Variants in LARP6 observed in about 807,000 individuals in gnomAD.
LARP6 encodes the protein La ribonucleoprotein 6, translational regulator, also known as la-related protein 6.
LARP6 carries 18 observed loss-of-function variants against 32.8 expected under a neutral mutation model. The ratio of observed to expected loss-of-function variants is 0.55; its 90% confidence interval spans 0.38 to 0.81. LARP6 has a LOEUF of 0.81. LARP6 is among the 40% of genes least tolerant of loss of function. LARP6 has a pLI of 0.00. For synonymous variants in LARP6, 289 were observed against 267.2 expected, an observed-to-expected ratio of 1.08 and a Z score of -0.80; for missense variants, 598 against 663.1, an observed-to-expected ratio of 0.90 and a Z score of 1.08.
chr15:70,844,442 CATA>C (rs2032312932), intron 1 of LARP6, among the ~76,000 whole-genome samples: 2 of 152,124 alleles, frequency 1.3e-5, no homozygotes, highest in South Asian at 2.1e-4. Flanking sequence ...TGCCATGGTT[CATA>C]ATATTTCATT....
intron 1 of LARP6, among the ~76,000 whole-genome samples, chr15:70,845,460 C>T (rs1033062726): frequency 1.3e-5 from 2 of 152,126 alleles, no homozygotes; most frequent in African/African-American, 4.8e-5. Flanking sequence ...GCGGGAGGAC[C>T]ACAGAGGTAA....
intron 1 of LARP6, among the ~76,000 whole-genome samples, chr15:70,852,704 T>G (rs552548564): frequency 2.6e-5 from 4 of 152,286 alleles, no homozygotes; most frequent in Non-Finnish European, 4.4e-5. Flanking sequence ...CTATCTACTT[T>G]GTCATACACT....
Position 70,830,521 on chromosome 15 carries a change from G to T in LARP6, c.*1531C>A, listed in dbSNP as rs1422558827. 6.6e-6 allele frequency: 1 copy of T among 152,158 alleles called. No individual in the cohort carries two copies. Among genetic ancestry groups the T allele is most frequent in the African/African-American group, 2.4e-5 (1 of 41,444 alleles). The allele number at this position is 152,158 out of a possible 1,614,324, so 9.4% of individuals were successfully genotyped here. A position where few individuals can be genotyped will look rare whatever the true frequency, so the allele number is the denominator to read the frequency against. On this transcript the variant is annotated 3_prime_UTR_variant, in exon 3 of 3. Coordinates refer to ENST00000299213, the MANE Select transcript of LARP6 (RefSeq NM_018357.4). ...TACCACTTAGTGGTTAAACAGTGTG[G>T]GCTCCAAAGCCAGACCACTAGTTTC...
Position 70,832,285 on chromosome 15 carries a change from T to C in LARP6, c.1243A>G (p.Lys415Glu), listed in dbSNP as rs2141047803. ...CTGTCAGAGGAATAATCCATACACT[T>C]GCGGAAGATCTCAGGGCTGGTGCTG... ...NCSTSPEIFR[K>E]CMDYSSDSSV... The change falls in exon 3 of 3, where the codon AAG becomes GAG. Residue 415 changes from lysine to glutamate, a missense_variant. Coordinates refer to ENST00000299213, the MANE Select transcript of LARP6 (RefSeq NM_018357.4). The C allele has an allele frequency of 6.2e-7, 1 of 1,614,200 alleles. No individual in the cohort carries two copies. Among genetic ancestry groups the C allele is most frequent in the East Asian group, 2.2e-5 (1 of 44,868 alleles).
chr15:70,836,708 A>G (rs1349754099), intron 1 of LARP6, among the ~76,000 whole-genome samples: 1 of 152,214 alleles, frequency 6.6e-6, no homozygotes, highest in Non-Finnish European at 1.5e-5. Flanking sequence ...GGTCCTTACC[A>G]AAGGGGTAAA....
Position 70,851,520 on chromosome 15 carries a change from AATAAG to A in LARP6, c.200+2364_200+2368del, listed in dbSNP as rs551585473. ...GGCTAGGTATGGAAATACAAAAAGGAATAAGATAAGGCAGCTGCCTTCAAGGATCT... is the reference window on the plus strand; with the variant it reads ...GGCTAGGTATGGAAATACAAAAAGGAATAAGGCAGCTGCCTTCAAGGATCT... On this transcript the variant is annotated intron_variant, in intron 1 of 2. Transcript: ENST00000299213. 2.0e-4 allele frequency: 297 copies of A among 1,481,280 alleles called. No homozygotes were observed. The East Asian group carries it at 6.9e-3, about 34-fold the overall frequency. 91.8% of individuals were successfully genotyped at this position (1,481,280 alleles called of 1,614,324 possible). A position where few individuals can be genotyped will look rare whatever the true frequency, so the allele number is the denominator to read the frequency against.
chr15:70,831,821 A>G lies in LARP6; in HGVS notation c.*231T>C, dbSNP rs1215873287. On this transcript the variant is annotated 3_prime_UTR_variant, in exon 3 of 3. Transcript: ENST00000299213. ...GCCATCACACTCACACACATCAGCC[A>G]TCATCAAAATAGTGGCCATGCTGGG... 1.4e-5 allele frequency: 5 copies of G among 366,516 alleles called. No homozygotes were observed. Among genetic ancestry groups the G allele is most frequent in the East Asian group, 4.1e-5 (1 of 24,162 alleles). 22.7% of individuals were successfully genotyped at this position (366,516 alleles called of 1,614,324 possible). A position where few individuals can be genotyped will look rare whatever the true frequency, so the allele number is the denominator to read the frequency against.
intron 2 of LARP6, among the ~76,000 whole-genome samples, chr15:70,833,908 T>C (rs758351315): frequency 6.6e-6 from 1 of 152,166 alleles, no homozygotes; most frequent in Admixed American, 6.5e-5. Flanking sequence ...TCCTCCTTTG[T>C]TGGTGGAAAT....
Position 70,847,005 on chromosome 15 carries a change from G to C in LARP6, c.200+6884C>G, listed in dbSNP as rs545728008. ...TGTGTGCACATTTTATTAGCAGCCCGAACACTGAGTTGAGAGTAGAACTCA... is the reference window on the plus strand; with the variant it reads ...TGTGTGCACATTTTATTAGCAGCCCCAACACTGAGTTGAGAGTAGAACTCA... On this transcript the variant is annotated intron_variant, in intron 1 of 2. Coordinates refer to ENST00000299213, the MANE Select transcript of LARP6 (RefSeq NM_018357.4). Among the ~76,000 whole-genome samples the C allele has an allele frequency of 8.5e-5, 13 of 152,244 alleles. 1 individual carries two copies. In the South Asian group the frequency reaches 2.7e-3, roughly 32 times the overall value.
rs1019293065 is a variant in LARP6 at position 70,829,638 on chromosome 15, C to T, written c.*2414G>A. The T allele has an allele frequency of 6.6e-6, 1 of 152,306 alleles. No individual in the cohort carries two copies. Among genetic ancestry groups the T allele is most frequent in the African/African-American group, 2.4e-5 (1 of 41,568 alleles). 9.4% of individuals were successfully genotyped at this position (152,306 alleles called of 1,614,324 possible). A position where few individuals can be genotyped will look rare whatever the true frequency, so the allele number is the denominator to read the frequency against. On this transcript the variant is annotated 3_prime_UTR_variant, in exon 3 of 3. Coordinates refer to ENST00000299213, the MANE Select transcript of LARP6 (RefSeq NM_018357.4). ...TTAAGGAACATCTTCTTGTTATCCACTGGTTTGTGGGAAGAACTGTGAACC... is the reference window on the plus strand; with the variant it reads ...TTAAGGAACATCTTCTTGTTATCCATTGGTTTGTGGGAAGAACTGTGAACC...
rs1567021297 is a variant in LARP6 at position 70,838,922 on chromosome 15, A to AAAAAG, written c.201-2418_201-2417insCTTTT. 1.6e-3 allele frequency among the ~76,000 whole-genome samples: 240 copies of AAAAAG among 151,826 alleles called. 2 individuals carry two copies. The Middle Eastern group carries it at 0.017, about 11-fold the overall frequency. On this transcript the variant is annotated intron_variant, in intron 1 of 2. Coordinates refer to ENST00000299213, the MANE Select transcript of LARP6 (RefSeq NM_018357.4). Reference sequence around the variant, plus strand: ...TGGCTCTCAGCCTCACAAAAAAAAAAAAAAAGAAAAGAAGCAACTGTGGAA... The same window carrying AAAAAG: ...TGGCTCTCAGCCTCACAAAAAAAAAAAAAAGAAAAAGAAAAGAAGCAACTGTGGAA...
At position 70,851,675 on chromosome 15, in the gene LARP6, A is replaced by C. The variant is rs758721409; in HGVS notation, c.200+2214T>G. On this transcript the variant is annotated intron_variant, in intron 1 of 2. Transcript: ENST00000299213. The stretch of plus-strand genomic sequence containing the variant: ...GTGCTGTGCTAGGTGCTGAAGATAC[A>C]ATGAACGAAGCAAGCATGGTCCTTG... 9 of 1,614,052 alleles carry C rather than the reference A, an allele frequency of 5.6e-6. No homozygotes were observed. In the East Asian group the frequency reaches 1.8e-4, roughly 32 times the overall value.
intron 1 of LARP6, among the ~76,000 whole-genome samples, chr15:70,838,022 A>C (rs1210490666): frequency 1.3e-5 from 2 of 152,212 alleles, no homozygotes; most frequent in African/African-American, 4.8e-5. Flanking sequence ...GGGTAATCTC[A>C]TGCAATATTT....
intron 1 of LARP6, among the ~76,000 whole-genome samples, chr15:70,839,138 A>G (rs2032204507): frequency 6.6e-6 from 1 of 152,152 alleles, no homozygotes; most frequent in African/African-American, 2.4e-5. Flanking sequence ...TGATGTCTCA[A>G]GGTAAATGTA....
At position 70,831,441 on chromosome 15, in the gene LARP6, T is replaced by C. The variant is rs1290877987; in HGVS notation, c.*611A>G. Reference sequence around the variant, plus strand: ...AATGTTCTCTTAAAGAAAAGAAAGATGTCTCTGCTAAGCTCCTCAGGGCCT... The same window carrying C: ...AATGTTCTCTTAAAGAAAAGAAAGACGTCTCTGCTAAGCTCCTCAGGGCCT... On this transcript the variant is annotated 3_prime_UTR_variant, in exon 3 of 3. Transcript: ENST00000299213. The C allele has an allele frequency of 1.3e-5, 2 of 152,216 alleles. No homozygotes were observed. The highest frequency in any genetic ancestry group is 2.9e-5 in the Non-Finnish European group (2 of 68,046). The allele number at this position is 152,216 out of a possible 1,614,324, so 9.4% of individuals were successfully genotyped here. A position where few individuals can be genotyped will look rare whatever the true frequency, so the allele number is the denominator to read the frequency against.
chr15:70,847,955 A>G (rs1000205198), intron 1 of LARP6, among the ~76,000 whole-genome samples: 61 of 152,138 alleles, frequency 4.0e-4, no homozygotes, highest in African/African-American at 1.5e-3. Context: ...CAAAAACATC[A>G]TTTATGAAAA....
At chr15:70,839,054 T>C (rs2032202998) in intron 1 of LARP6, among the ~76,000 whole-genome samples, 1 of 152,120 alleles carries the variant, frequency 6.6e-6, no homozygotes, top group African/African-American at 2.4e-5. Flanking sequence ...AATATAGGCA[T>C]TGGTTGATTA....
intron 1 of LARP6, among the ~76,000 whole-genome samples, chr15:70,852,828 A>G (rs2032510058): frequency 6.6e-6 from 1 of 152,104 alleles, no homozygotes; most frequent in South Asian, 2.1e-4. Flanking sequence ...TAACCTGGGG[A>G]AGGGTGAGCC....
At chr15:70,833,812 A>G (rs1432495052) in intron 2 of LARP6, among the ~76,000 whole-genome samples, 1 of 152,244 alleles carries the variant, frequency 6.6e-6, no homozygotes, top group Non-Finnish European at 1.5e-5. Flanking sequence ...TTTCACTGCA[A>G]TATCTCCTGA....
Sources: gnomAD v4.1 joint callset for allele counts (sites outside exome capture counted in the v4.1 genomes callset) on GRCh38, gnomAD v4.1.1 for gene constraint, MANE v1.5 for transcripts, NCBI Gene and HGNC (gene_info 2026-07-23, HGNC 2026-07-21) for gene names.